The following EPB41L1 variants were observed in gnomAD, a reference collection of about 807,000 sequenced individuals.
The protein encoded by EPB41L1 is erythrocyte membrane protein band 4.1 like 1.
In EPB41L1, 29 loss-of-function variants were observed where a neutral mutation model predicts 97.8. The ratio of observed to expected loss-of-function variants is 0.30; its 90% CI spans 0.22 to 0.40. EPB41L1 has a LOEUF of 0.40. EPB41L1 is among the 10% of genes least tolerant of loss of function. EPB41L1 has a pLI of 1.00. For missense variants in EPB41L1, 812 were observed against 1,162.3 expected, an observed-to-expected ratio of 0.70 and a Z score of 4.38; for synonymous variants, 383 against 459.2, an observed-to-expected ratio of 0.83 and a Z score of 2.12.
At chr20:36,166,461 C>T (rs1466270501) in intron 1 of EPB41L1, among the ~76,000 whole-genome samples, 3 of 152,160 alleles carry the variant, frequency 2.0e-5, no homozygotes, top group East Asian at 1.9e-4. Context: ...TCAAGAACTG[C>T]GCTGAGCCCT....
intron 2 of EPB41L1, among the ~76,000 whole-genome samples, chr20:36,117,600 C>A (rs1008781883): frequency 6.6e-6 from 1 of 152,174 alleles, no homozygotes; most frequent in African/African-American, 2.4e-5. Context: ...GTATAATTAT[C>A]CCCATTTTGT....
At chr20:36,126,469 C>T (rs550334842) in intron 2 of EPB41L1, among the ~76,000 whole-genome samples, 34 of 151,398 alleles carry the variant, frequency 2.2e-4, no homozygotes, top group Admixed American at 2.0e-3. Flanking sequence ...CGGGTTCAAG[C>T]GATTCTCCTA....
At chr20:36,200,576 A>C (rs375692500) in intron 14 of EPB41L1, among the ~76,000 whole-genome samples, 21 of 152,296 alleles carry the variant, frequency 1.4e-4, no homozygotes, top group African/African-American at 5.1e-4. Flanking sequence ...ATATGGCTCC[A>C]ACATCTCTGA....
At chr20:36,128,292 G>A (rs2059052855) in intron 2 of EPB41L1, among the ~76,000 whole-genome samples, 1 of 152,190 alleles carries the variant, frequency 6.6e-6, no homozygotes, top group Non-Finnish European at 1.5e-5. Context: ...TCTAAACAAG[G>A]CAGGGAGATG....
In EPB41L1 at chr20:36,178,156, A is replaced by G; in HGVS notation, c.447+100A>G. 9 of 907,232 alleles carry G rather than the reference A, an allele frequency of 9.9e-6. No homozygotes were observed. In the South Asian group the frequency reaches 1.2e-4, roughly 12 times the overall value. 56.2% of individuals were successfully genotyped at this position (907,232 alleles called of 1,614,324 possible). Reference sequence around the variant, plus strand: ...TCCATTAGTGCTCAAATCATTAAGCATCTTCTGTTTGCGTGTCCCCAAGGC... The same window carrying G: ...TCCATTAGTGCTCAAATCATTAAGCGTCTTCTGTTTGCGTGTCCCCAAGGC... On this transcript the variant is annotated intron_variant, in intron 4 of 21. Transcript: ENST00000338074.
intron 13 of EPB41L1, chr20:36,197,516 C>A: frequency 4.5e-6 from 2 of 440,722 alleles, no homozygotes; most frequent in Non-Finnish European, 6.0e-6. Context: ...TGACTAAGAC[C>A]GGGCTTATAG....
chr20:36,103,847 C>T (rs1480492930), intron 1 of EPB41L1, among the ~76,000 whole-genome samples: 4 of 151,756 alleles, frequency 2.6e-5, no homozygotes, highest in Admixed American at 6.6e-5. Context: ...GGACTACAGG[C>T]GCCCGCCACC....
intron 9 of EPB41L1, among the ~76,000 whole-genome samples, chr20:36,189,333 C>T (rs1370577193): frequency 1.3e-5 from 2 of 152,126 alleles, no homozygotes; most frequent in African/African-American, 4.8e-5. Context: ...TTCCCATCCA[C>T]ACCCTTGCTT....
chr20:36,110,258 A>G (rs866098505), intron 1 of EPB41L1, among the ~76,000 whole-genome samples: 6 of 152,240 alleles, frequency 3.9e-5, no homozygotes, highest in Middle Eastern at 3.4e-3. Flanking sequence ...TGTTTAGTAC[A>G]ACGGTCTCAT....
chr20:36,184,754 A>C (rs1389986118), intron 6 of EPB41L1, among the ~76,000 whole-genome samples: 1 of 152,238 alleles, frequency 6.6e-6, no homozygotes, highest in Non-Finnish European at 1.5e-5. Context: ...CTAAAGTGTG[A>C]ATTTTTCCAC....
chr20:36,192,602 C>T (rs1016951182), intron 11 of EPB41L1, among the ~76,000 whole-genome samples: 8 of 148,110 alleles, frequency 5.4e-5, no homozygotes, highest in Non-Finnish European at 8.9e-5. Context: ...ACTCCCAGAA[C>T]ACCTTGGGGC....
At chr20:36,150,669 G>A (rs1283312210), upstream of EPB41L1, 12 of 152,196 alleles carry the variant, frequency 7.9e-5, no homozygotes, top group Admixed American at 7.9e-4. Flanking sequence ...AATAATTTCA[G>A]TGCCAGAGAA....
chr20:36,190,244 C>T lies in EPB41L1; in HGVS notation c.1027-33C>T. 1 of 1,558,148 alleles carries T rather than the reference C, an allele frequency of 6.4e-7. No individual in the cohort carries two copies. Among genetic ancestry groups the T allele is most frequent in the Non-Finnish European group, 8.9e-7 (1 of 1,129,710 alleles). ...GGCTAGTGGCGAGAGTGAGCTCAGG[C>T]CCTGCCTCTAACCTGCCCTTTTGGT... On this transcript the variant is annotated intron_variant, in intron 9 of 21. Coordinates refer to ENST00000338074, the MANE Select transcript of EPB41L1 (RefSeq NM_012156.2). This position sits in a 1 kb window ranked among gnomAD's most constrained non-coding sequence, Gnocchi z 5.8.
intron 2 of EPB41L1, among the ~76,000 whole-genome samples, chr20:36,129,785 A>G (rs866043090): frequency 6.6e-6 from 1 of 152,156 alleles, no homozygotes; most frequent in African/African-American, 2.4e-5. Flanking sequence ...AAAATTACAA[A>G]TGAGAGCTCA....
At chr20:36,094,692 T>G (rs2057772743) in intron 1 of EPB41L1, among the ~76,000 whole-genome samples, 1 of 152,134 alleles carries the variant, frequency 6.6e-6, no homozygotes, top group Non-Finnish European at 1.5e-5. Context: ...CTTAAAAATG[T>G]TTCCCTGCCA....
rs76119951 is a variant in EPB41L1, at chr20:36,194,640, T to G, written c.1449+280T>G. Among the ~76,000 whole-genome samples, 1,469 of 152,248 alleles carry G rather than the reference T, an allele frequency of 9.6e-3. 27 individuals carry two copies. The highest frequency in any genetic ancestry group is 0.034 in the African/African-American group (1,401 of 41,546). On this transcript the variant is annotated intron_variant, in intron 12 of 21. Transcript: ENST00000338074. ...TGTCCCCTAGAGGACTCAGGCCTCCTTTTGCACACTCTTAATTTGCCCCTC... is the reference window on the plus strand; with the variant it reads ...TGTCCCCTAGAGGACTCAGGCCTCCGTTTGCACACTCTTAATTTGCCCCTC...
chr20:36,137,421 A>T (rs1446407317), intron 2 of EPB41L1, among the ~76,000 whole-genome samples: 1 of 150,936 alleles, frequency 6.6e-6, no homozygotes, highest in East Asian at 2.0e-4. Flanking sequence ...GGGTCTCACT[A>T]TGTTGCCCAG....
At chr20:36,155,721 C>T (rs1201061050) in intron 1 of EPB41L1, 6 of 441,152 alleles carry the variant, frequency 1.4e-5, no homozygotes, top group Non-Finnish European at 2.7e-5. Flanking sequence ...TGCCAGCCAT[C>T]GTCGTTGCTT....
chr20:36,208,807 A>G (rs1468117343), intron 14 of EPB41L1, among the ~76,000 whole-genome samples: 1 of 152,184 alleles, frequency 6.6e-6, no homozygotes, highest in East Asian at 1.9e-4. Context: ...GTTGTCAATT[A>G]CACTGATGGG....
Sources: allele counts gnomAD v4.1 joint callset (sites outside exome capture counted in the v4.1 genomes callset), GRCh38; gene constraint gnomAD v4.1.1; non-coding constraint Gnocchi (gnomAD v3.1); transcripts MANE v1.5; gene names NCBI Gene and HGNC (gene_info 2026-07-23, HGNC 2026-07-21).